Variants in MACROH2A1 observed in about 807,000 individuals in gnomAD.
MACROH2A1 encodes macroH2A.1 histone, also known as core histone macro-H2A.1.
A neutral mutation model predicts 31.6 loss-of-function variants in MACROH2A1; 2 were observed. That is an observed-to-expected ratio of 0.06 (90% CI 0.03 to 0.20). The LOEUF (loss-of-function observed/expected upper bound fraction) is 0.20. Among genes scored for constraint, MACROH2A1 ranks in the 10% least tolerant of loss-of-function variants. The pLI is 1.00. For synonymous variants in MACROH2A1, 169 were observed against 189.6 expected, an observed-to-expected ratio of 0.89 and a Z score of 0.89; for missense variants, 230 against 474.0, an observed-to-expected ratio of 0.49 and a Z score of 4.78.
In MACROH2A1 at chr5:135,369,639, G is replaced by A. The variant is rs1581255875; in HGVS notation, c.280-36C>T. ...AACCAGAATAGCAGATAGTGAGCCA[G>A]ATACCCTGCTTCTAACCTTCAAGAA... On this transcript the variant is annotated intron_variant, in intron 3 of 8. Coordinates refer to ENST00000511689, the MANE Select transcript of MACROH2A1 (RefSeq NM_138610.3). This position sits in a 1 kb window ranked among gnomAD's most constrained non-coding sequence, Gnocchi z 4.3. 6.5e-6 allele frequency: 10 copies of A among 1,537,102 alleles called. No homozygotes were observed. The East Asian group carries it at 1.8e-4, about 28-fold the overall frequency.
chr5:135,342,908 C>T (rs1374721270), intron 8 of MACROH2A1, among the ~76,000 whole-genome samples: 2 of 152,132 alleles, frequency 1.3e-5, no homozygotes, highest in African/African-American at 2.4e-5. Flanking sequence ...CCAAGCTGTT[C>T]GTTTGTATCC....
rs1461091187 is a variant in MACROH2A1, at chr5:135,398,191, C to T, written c.-34+871G>A. Among the ~76,000 whole-genome samples, 1 of 152,044 alleles carries T rather than the reference C, an allele frequency of 6.6e-6. No homozygotes were observed. The highest frequency in any genetic ancestry group is 1.9e-4 in the East Asian group (1 of 5,174). ...ACCAACTCCTTGAGTGATCTGTGGC[C>T]CCTGCAGGAGTGGGGGTAGGGAGCG... On this transcript the variant is annotated intron_variant, in intron 1 of 8. Transcript: ENST00000511689. The surrounding 1 kb of genome is among the most constrained non-coding windows in gnomAD (Gnocchi z 4.6).
intron 5 of MACROH2A1, chr5:135,359,620 A>G: frequency 1.0e-6 from 1 of 985,002 alleles, no homozygotes; most frequent in Non-Finnish European, 1.2e-6. Flanking sequence ...GAGCGAGGGA[A>G]CCGTGTCACT....
intron 7 of MACROH2A1, chr5:135,345,620 T>G (rs1203539799): frequency 4.9e-6 from 1 of 202,944 alleles, no homozygotes; most frequent in Non-Finnish European, 9.9e-6. Context: ...GGCTGAAGAT[T>G]TTTAATTTGT....
intron 1 of MACROH2A1, among the ~76,000 whole-genome samples, chr5:135,392,211 T>C (rs932021175): frequency 2.0e-5 from 3 of 152,156 alleles, no homozygotes; most frequent in Non-Finnish European, 4.4e-5. Context: ...CATGTTCCCA[T>C]AGTATATATA....
chr5:135,391,833 C>T (rs936244640), intron 1 of MACROH2A1, among the ~76,000 whole-genome samples: 1 of 152,214 alleles, frequency 6.6e-6, no homozygotes, highest in South Asian at 2.1e-4. Context: ...ACCCTCCCTG[C>T]GTTGGTTCAG....
At position 135,366,002 on chromosome 5, in the gene MACROH2A1, T is replaced by C. The variant is rs1763456039; in HGVS notation, c.477+3404A>G. 2.6e-5 allele frequency among the ~76,000 whole-genome samples: 4 copies of C among 152,190 alleles called. No homozygotes were observed. In the South Asian group the frequency reaches 8.3e-4, roughly 32 times the overall value. On this transcript the variant is annotated intron_variant, in intron 4 of 8. Transcript: ENST00000511689. ...GAGGTAACTGGATCATGGTGGATGGTTTCCCCTGTGCTGTTCCCATGACAG... is the reference window on the plus strand; with the variant it reads ...GAGGTAACTGGATCATGGTGGATGGCTTCCCCTGTGCTGTTCCCATGACAG...
intron 6 of MACROH2A1, among the ~76,000 whole-genome samples, chr5:135,348,306 G>A (rs1195850299): frequency 1.3e-5 from 2 of 152,292 alleles, no homozygotes; most frequent in Non-Finnish European, 2.9e-5. Flanking sequence ...TAAAGCAATT[G>A]GCTTATTTGC....
At chr5:135,393,608 A>G (rs1767555514) in intron 1 of MACROH2A1, among the ~76,000 whole-genome samples, 1 of 152,248 alleles carries the variant, frequency 6.6e-6, no homozygotes, top group Non-Finnish European at 1.5e-5. Context: ...CAGCTATACT[A>G]TCTGGTCAAA....
intron 5 of MACROH2A1, chr5:135,358,270 G>A: frequency 2.0e-6 from 2 of 985,286 alleles, no homozygotes; most frequent in Non-Finnish European, 2.4e-6. Flanking sequence ...CAGGGGTGTA[G>A]GATTCCAGAA....
intron 2 of MACROH2A1, among the ~76,000 whole-genome samples, chr5:135,380,162 C>A (rs926305542): frequency 2.6e-5 from 4 of 152,214 alleles, no homozygotes; most frequent in Admixed American, 6.5e-5. Context: ...GTCTTCTTAG[C>A]CTTCAATAAA....
At chr5:135,392,945 T>C (rs1438753267) in intron 1 of MACROH2A1, among the ~76,000 whole-genome samples, 1 of 152,220 alleles carries the variant, frequency 6.6e-6, no homozygotes, top group Non-Finnish European at 1.5e-5. Context: ...ACTCACTCAC[T>C]GGGCAAGTTC....
At chr5:135,344,777 G>A (rs1278603001) in intron 7 of MACROH2A1, 1 of 152,190 alleles carries the variant, frequency 6.6e-6, no homozygotes, top group Admixed American at 6.5e-5. Context: ...AAGTGTTATT[G>A]AAACAAGCAA....
At chr5:135,363,774 C>G (rs995858609) in intron 4 of MACROH2A1, among the ~76,000 whole-genome samples, 3 of 152,192 alleles carry the variant, frequency 2.0e-5, no homozygotes, top group African/African-American at 7.2e-5. Flanking sequence ...AATGGTTGAA[C>G]TAGTTTACAC....
rs542155149 is a variant in MACROH2A1 at position 135,387,472 on chromosome 5, G to A, written c.172+1450C>T. Among the ~76,000 whole-genome samples the A allele has an allele frequency of 1.4e-4, 21 of 152,296 alleles. No homozygotes were observed. The East Asian group carries it at 3.9e-3, about 28-fold the overall frequency. Reference sequence around the variant, plus strand: ...GTGCAGGAAGCAACCCAGCCCTTCCGCTGCCTGGTTGTATCGCTTTGGGAG... The same window carrying A: ...GTGCAGGAAGCAACCCAGCCCTTCCACTGCCTGGTTGTATCGCTTTGGGAG... On this transcript the variant is annotated intron_variant, in intron 2 of 8. Transcript: ENST00000511689.
Position 135,388,902 on chromosome 5 carries a change from G to C in MACROH2A1, c.172+20C>G, listed in dbSNP as rs751105136. 1 of 1,571,260 alleles carries C rather than the reference G, an allele frequency of 6.4e-7. No individual in the cohort carries two copies. Among genetic ancestry groups the C allele is most frequent in the South Asian group, 1.1e-5 (1 of 88,198 alleles). ...TGCATCTTAAGCCAGTGGTGTCTGG[G>C]TTGACTGAGGTACACTCACCTGTCA... is the stretch of plus-strand genomic sequence containing the variant. On this transcript the variant is annotated intron_variant, in intron 2 of 8. Coordinates refer to ENST00000511689, the MANE Select transcript of MACROH2A1 (RefSeq NM_138610.3).
At chr5:135,340,333 C>T (rs891230666) in intron 8 of MACROH2A1, among the ~76,000 whole-genome samples, 59 of 151,980 alleles carry the variant, frequency 3.9e-4, no homozygotes, top group African/African-American at 1.2e-3. Flanking sequence ...TTTAGCACCG[C>T]GCCTGGGGCT....
At position 135,334,901 on chromosome 5, in the gene MACROH2A1, G is replaced by A; in HGVS notation, c.*75C>T. The A allele has an allele frequency of 2.4e-6, 3 of 1,260,870 alleles. No homozygotes were observed. The highest frequency in any genetic ancestry group is 3.4e-6 in the Non-Finnish European group (3 of 885,728). 78.1% of individuals were successfully genotyped at this position (1,260,870 alleles called of 1,614,324 possible). A position where few individuals can be genotyped will look rare whatever the true frequency, so the allele number is the denominator to read the frequency against. ...TGAAAGGGGTCCCACCTCCCAGTAG[G>A]AGTGAAGGGGATTTTTTTTTTCTTT... is the stretch of plus-strand genomic sequence containing the variant. On this transcript the variant is annotated 3_prime_UTR_variant, in exon 9 of 9. Coordinates refer to ENST00000511689, the MANE Select transcript of MACROH2A1 (RefSeq NM_138610.3).
intron 6 of MACROH2A1, chr5:135,350,710 A>G: frequency 1.5e-6 from 1 of 669,324 alleles, no homozygotes; most frequent in Non-Finnish European, 2.7e-6. Flanking sequence ...GGGTCAGGAC[A>G]GCTGGAAGTG....
Sources: gnomAD v4.1 joint callset for allele counts (sites outside exome capture counted in the v4.1 genomes callset) on GRCh38, gnomAD v4.1.1 for gene constraint, Gnocchi (gnomAD v3.1) non-coding constraint, MANE v1.5 for transcripts, NCBI Gene and HGNC (gene_info 2026-07-23, HGNC 2026-07-21) for gene names.